The following RAP1GAP2 variants were observed in gnomAD, a reference collection of about 807,000 sequenced individuals.
The protein encoded by RAP1GAP2 is RAP1 GTPase activating protein 2.
In RAP1GAP2, 27 loss-of-function variants were observed where a neutral mutation model predicts 95.0. The observed-to-expected ratio is 0.28, with a 90% CI of 0.21 to 0.39. The LOEUF is 0.39. RAP1GAP2 is among the 10% of genes least tolerant of loss of function. The pLI is 1.00. For synonymous variants in RAP1GAP2, 373 were observed against 380.9 expected (o/e 0.98, Z 0.24); for missense variants, 771 against 970.0 (o/e 0.79, Z 2.72).
intron 13 of RAP1GAP2, among the ~76,000 whole-genome samples, chr17:2,997,591 G>A (rs1009226805): frequency 1.3e-5 from 2 of 152,076 alleles, no homozygotes; most frequent in African/African-American, 2.4e-5. Context: ...TCTACCTAAC[G>A]ACTTGGCCAT....
chr17:2,963,904 G>A lies in RAP1GAP2; in HGVS notation c.328G>A (p.Gly110Arg), dbSNP rs2044461392. The A allele has an allele frequency of 1.2e-6, 2 of 1,613,114 alleles. No homozygotes were observed. The change falls in exon 7 of 25, where the codon GGG becomes AGG. Residue 110 changes from glycine (G) to arginine (R), a missense_variant. By Grantham distance (125) the Gly-to-Arg change is moderately radical. Coordinates refer to ENST00000254695, the MANE Select transcript of RAP1GAP2 (RefSeq NM_015085.5). This position sits in a 1 kb window ranked among gnomAD's most constrained non-coding sequence, Gnocchi z 4.8. ...CCCTCAGGTCATCCTGCCACAGTTT[G>A]GGGGCTATTGGATCGAGGACCCGGA... is the stretch of plus-strand genomic sequence containing the variant. ...PYPQVILPQF[G>R]GYWIEDPENV...
Position 2,798,943 on chromosome 17 carries a change from G to A in RAP1GAP2, c.45-1572G>A, listed in dbSNP as rs530307665. On this transcript the variant is annotated intron_variant, in intron 1 of 24. Coordinates refer to ENST00000254695, the MANE Select transcript of RAP1GAP2 (RefSeq NM_015085.5). ...GAGCCCCGGTTCCAGCGGTTCCAGC[G>A]CCGACTCCACCTTGACCATTGAGGA... 1.1e-4 allele frequency among the ~76,000 whole-genome samples: 16 copies of A among 152,320 alleles called. No individual in the cohort carries two copies. The South Asian group carries it at 1.2e-3, about 12-fold the overall frequency.
chr17:2,943,349 CAAT>C (rs899867485), intron 3 of RAP1GAP2, among the ~76,000 whole-genome samples: 3 of 152,058 alleles, frequency 2.0e-5, no homozygotes, highest in Non-Finnish European at 4.4e-5. Context: ...TCCTACAGCT[CAAT>C]AATAAAAAAG....
chr17:2,871,386 T>C lies in RAP1GAP2; in HGVS notation c.81-33898T>C, dbSNP rs960370157. Among the ~76,000 whole-genome samples, 1 of 152,102 alleles carries C rather than the reference T, an allele frequency of 6.6e-6. No individual in the cohort carries two copies. The highest frequency in any genetic ancestry group is 6.5e-5 in the Admixed American group (1 of 15,270). ...GATTGTGTGTCCATCTCAGTCCCTATGTGCAGGGGTGGGAGCGGGGAGCCA... is the reference window on the plus strand; with the variant it reads ...GATTGTGTGTCCATCTCAGTCCCTACGTGCAGGGGTGGGAGCGGGGAGCCA... On this transcript the variant is annotated intron_variant, in intron 2 of 24. Transcript: ENST00000254695. This position sits in a 1 kb window ranked among gnomAD's most constrained non-coding sequence, Gnocchi z 5.0.
chr17:2,890,196 G>A (rs1368689490), intron 2 of RAP1GAP2, among the ~76,000 whole-genome samples: 1 of 152,088 alleles, frequency 6.6e-6, no homozygotes, highest in East Asian at 1.9e-4. Context: ...GGGGAGGAAC[G>A]AGGATGGGCC....
chr17:3,007,902 G>A (rs2046386175), intron 16 of RAP1GAP2, 109 bp from the exon 17 acceptor site: 6 of 1,345,918 alleles, frequency 4.5e-6, no homozygotes, highest in South Asian at 2.8e-5. Flanking sequence ...TTGCTGGGCC[G>A]GGCTGGGCAG....
At chr17:2,980,248 G>C in intron 8 of RAP1GAP2, 39 bp from the exon 9 acceptor site, 12 of 1,607,732 alleles carry the variant, frequency 7.5e-6, no homozygotes, top group Non-Finnish European at 1.0e-5. Flanking sequence ...CTCACTGACT[G>C]TTTCTTAGGG....
chr17:2,921,358 C>T (rs969983991), intron 3 of RAP1GAP2, among the ~76,000 whole-genome samples: 2 of 152,042 alleles, frequency 1.3e-5, no homozygotes. Flanking sequence ...CCGGCCACCA[C>T]ACCCGGCTAA....
chr17:2,807,760 G>A (rs1333775660), intron 2 of RAP1GAP2, among the ~76,000 whole-genome samples: 2 of 152,146 alleles, frequency 1.3e-5, no homozygotes, highest in Non-Finnish European at 2.9e-5. Flanking sequence ...GGCAGGCCAC[G>A]TCTGGGAGGG....
chr17:3,017,307 C>T (rs142475125), intron 17 of RAP1GAP2, among the ~76,000 whole-genome samples: 1 of 151,814 alleles, frequency 6.6e-6, no homozygotes, highest in Admixed American at 6.6e-5. Context: ...TCCTGGGTGG[C>T]CTGAGCAGCT....
At chr17:2,924,207 A>G (rs890905364) in intron 3 of RAP1GAP2, among the ~76,000 whole-genome samples, 4 of 152,144 alleles carry the variant, frequency 2.6e-5, no homozygotes, top group Non-Finnish European at 4.4e-5. Flanking sequence ...CAGTCTGGGA[A>G]CTTTGAGAGT....
At chr17:2,815,950 C>G (rs58216811) in intron 2 of RAP1GAP2, among the ~76,000 whole-genome samples, 4,814 of 152,332 alleles carry the variant, frequency 0.032, 176 homozygotes, top group East Asian at 0.15. Flanking sequence ...TGCGTGGACG[C>G]AGTCACTGGC....
At position 2,796,475 on chromosome 17, in the gene RAP1GAP2, C is replaced by T. The variant is rs1348012345; in HGVS notation, c.-53C>T. ...GTACCACGGCCCTCTTGCGGACAGC[C>T]CCGGGGACGTCGTTGGGACATCGCT... On this transcript the variant is annotated 5_prime_UTR_variant, in exon 1 of 25. Coordinates refer to ENST00000254695, the MANE Select transcript of RAP1GAP2 (RefSeq NM_015085.5). The surrounding 1 kb of genome is among the most constrained non-coding windows in gnomAD (Gnocchi z 4.7). 6.5e-7 allele frequency: 1 copy of T among 1,548,908 alleles called. No individual in the cohort carries two copies. Among genetic ancestry groups the T allele is most frequent in the African/African-American group, 1.4e-5 (1 of 73,024 alleles).
intron 9 of RAP1GAP2, 113 bp from the exon 10 acceptor site, chr17:2,981,082 C>A: frequency 3.3e-6 from 3 of 910,646 alleles, no homozygotes; most frequent in South Asian, 1.6e-5. Flanking sequence ...CCCGCCCAGG[C>A]CTCCTGACCC....
chr17:2,938,611 A>G (rs530071729), intron 3 of RAP1GAP2, among the ~76,000 whole-genome samples: 4 of 152,316 alleles, frequency 2.6e-5, no homozygotes, highest in Non-Finnish European at 5.9e-5. Context: ...ATTACAGGGC[A>G]TGAGCACTGC....
intron 3 of RAP1GAP2, among the ~76,000 whole-genome samples, chr17:2,921,690 G>A (rs892803440): frequency 2.3e-5 from 3 of 128,748 alleles, no homozygotes; most frequent in Non-Finnish European, 5.1e-5. Flanking sequence ...GGCCGTTAAG[G>A]TGTCCGCAGG....
intron 2 of RAP1GAP2, among the ~76,000 whole-genome samples, chr17:2,829,431 T>C (rs1242980208): frequency 6.6e-6 from 1 of 151,990 alleles, no homozygotes; most frequent in Non-Finnish European, 1.5e-5. Context: ...ACCCCGTCGG[T>C]AGAAAATGGT....
At chr17:2,808,995 G>A (rs996906824) in intron 2 of RAP1GAP2, among the ~76,000 whole-genome samples, 3 of 152,212 alleles carry the variant, frequency 2.0e-5, no homozygotes, top group African/African-American at 4.8e-5. Context: ...GGAGAAGCAG[G>A]GAAGGCGAGC....
intron 8 of RAP1GAP2, among the ~76,000 whole-genome samples, chr17:2,968,270 G>T (rs1346261328): frequency 6.6e-6 from 1 of 152,074 alleles, no homozygotes. Context: ...ATTTTAAATA[G>T]TATATGAAAC....
Sources: gnomAD v4.1 joint callset for allele counts (sites outside exome capture counted in the v4.1 genomes callset) on GRCh38, gnomAD v4.1.1 for gene constraint, Gnocchi (gnomAD v3.1) non-coding constraint, MANE v1.5 for transcripts, NCBI Gene and HGNC (gene_info 2026-07-23, HGNC 2026-07-21) for gene names.